The following LSAMP variants were observed in gnomAD, a reference collection of about 807,000 sequenced individuals.
LSAMP encodes limbic system-associated membrane protein.
A neutral mutation model predicts 38.6 loss-of-function variants in LSAMP; 7 were observed. The ratio of observed to expected loss-of-function variants is 0.18; its 90% CI spans 0.10 to 0.34. The LOEUF (loss-of-function observed/expected upper bound fraction) is 0.34, where lower values mean the gene tolerates loss of function less well. LSAMP is among the 10% of genes least tolerant of loss of function. The pLI, the probability that LSAMP is intolerant of heterozygous loss-of-function variation, is 1.00. For synonymous variants in LSAMP, 154 were observed against 166.8 expected, an observed-to-expected ratio of 0.92 and a Z score of 0.59; for missense variants, 313 against 420.0, an observed-to-expected ratio of 0.75 and a Z score of 2.23.
intron 2 of LSAMP, among the ~76,000 whole-genome samples, chr3:116,029,292 G>T (rs1940863626): frequency 6.6e-6 from 1 of 152,084 alleles, no homozygotes; most frequent in Non-Finnish European, 1.5e-5. Flanking sequence ...AGAAACATCA[G>T]CCTGTGGGGT....
chr3:116,426,001 G>C (rs565690046), intron 1 of LSAMP, among the ~76,000 whole-genome samples: 2 of 152,178 alleles, frequency 1.3e-5, no homozygotes, highest in South Asian at 4.2e-4. Flanking sequence ...TTAAATTGAG[G>C]CTGATGCAAC....
At chr3:116,428,919 G>A (rs974187805) in intron 1 of LSAMP, among the ~76,000 whole-genome samples, 1 of 152,148 alleles carries the variant, frequency 6.6e-6, no homozygotes, top group Non-Finnish European at 1.5e-5. Flanking sequence ...TGGGATGGGG[G>A]TATTAGTGTT....
intron 1 of LSAMP, among the ~76,000 whole-genome samples, chr3:116,384,089 C>T (rs2048594671): frequency 6.6e-6 from 1 of 152,004 alleles, no homozygotes; most frequent in Non-Finnish European, 1.5e-5. Context: ...ATTAATCAAG[C>T]CAGAGAATTA....
intron 3 of LSAMP, among the ~76,000 whole-genome samples, chr3:115,895,405 G>A (rs1351135236): frequency 6.6e-6 from 1 of 152,048 alleles, no homozygotes; most frequent in Non-Finnish European, 1.5e-5. Context: ...GGGAGCAAGG[G>A]TCTCCACAGG....
rs1568099 is a variant in LSAMP, at chr3:115,903,781, A to G, written c.515-51164T>C. 1.6e-3 allele frequency among the ~76,000 whole-genome samples: 246 copies of G among 152,298 alleles called. 2 individuals carry two copies. The highest frequency in any genetic ancestry group is 5.7e-3 in the African/African-American group (235 of 41,578). On this transcript the variant is annotated intron_variant, in intron 3 of 6. Coordinates refer to ENST00000490035, the MANE Select transcript of LSAMP (RefSeq NM_002338.5). The stretch of plus-strand genomic sequence containing the variant: ...GTTTTAATAGGTTAGGCAATACAAT[A>G]TATTTTATCAAATAATATCCTATGG...
At chr3:116,029,825 C>G in intron 2 of LSAMP, among the ~76,000 whole-genome samples, 1 of 152,002 alleles carries the variant, frequency 6.6e-6, no homozygotes, top group Non-Finnish European at 1.5e-5. Context: ...AAGGTGTAAG[C>G]TGGGTAAAGC....
chr3:115,897,494 G>T lies in LSAMP; in HGVS notation c.515-44877C>A, dbSNP rs142134712. Among the ~76,000 whole-genome samples the T allele has an allele frequency of 5.3e-3, 804 of 152,158 alleles. 4 individuals carry two copies. The highest frequency in any genetic ancestry group is 0.019 in the African/African-American group (780 of 41,528). ...AATGGGAAAAGTGGTAAACCATAGT[G>T]TTCTACCTGATCAAGAAGCTGGGGG... On this transcript the variant is annotated intron_variant, in intron 3 of 6. Transcript: ENST00000490035.
chr3:116,392,291 G>A (rs563339207), intron 1 of LSAMP, among the ~76,000 whole-genome samples: 1 of 152,220 alleles, frequency 6.6e-6, no homozygotes, highest in East Asian at 1.9e-4. Context: ...CACTCTAGGG[G>A]GCCTGGGAAG....
chr3:115,929,827 C>A lies in LSAMP; in HGVS notation c.515-77210G>T, dbSNP rs528951189. Among the ~76,000 whole-genome samples, 23 of 152,134 alleles carry A rather than the reference C, an allele frequency of 1.5e-4. No individual in the cohort carries two copies. In the South Asian group the frequency reaches 4.8e-3, roughly 32 times the overall value. ...GACTGAGACATTCCCTTCTACCATG[C>A]ACCCTCTAGCTTCTTGGAGTTCTAC... On this transcript the variant is annotated intron_variant, in intron 3 of 6. Coordinates refer to ENST00000490035, the MANE Select transcript of LSAMP (RefSeq NM_002338.5).
intron 2 of LSAMP, among the ~76,000 whole-genome samples, chr3:116,054,641 T>G (rs1322859160): frequency 2.6e-5 from 4 of 152,152 alleles, no homozygotes; most frequent in African/African-American, 9.7e-5. Flanking sequence ...CAACACTGAA[T>G]AGAATAAAGA....
intron 1 of LSAMP, among the ~76,000 whole-genome samples, chr3:116,308,995 A>G (rs192631072): frequency 1.9e-3 from 294 of 152,164 alleles, no homozygotes; most frequent in Non-Finnish European, 3.4e-3. Context: ...ACTTTTCAAT[A>G]TTTCCCTTTG....
At chr3:116,228,935 T>TATC (rs984491297) in intron 1 of LSAMP, among the ~76,000 whole-genome samples, 1 of 152,118 alleles carries the variant, frequency 6.6e-6, no homozygotes, top group Non-Finnish European at 1.5e-5. Flanking sequence ...ATATCAGTTC[T>TATC]ATCACATTTC....
At chr3:116,429,207 A>T (rs890366416) in intron 1 of LSAMP, among the ~76,000 whole-genome samples, 2 of 152,190 alleles carry the variant, frequency 1.3e-5, no homozygotes, top group Non-Finnish European at 2.9e-5. Context: ...CTGGTTTCAT[A>T]CTCTGATAAT....
chr3:115,900,130 G>C (rs531880193), intron 3 of LSAMP, among the ~76,000 whole-genome samples: 2 of 152,270 alleles, frequency 1.3e-5, no homozygotes, highest in East Asian at 1.9e-4. Flanking sequence ...TTCAGTGTGG[G>C]TTGTGACCTT....
chr3:116,168,523 T>C (rs1710117372), intron 1 of LSAMP, among the ~76,000 whole-genome samples: 1 of 152,224 alleles, frequency 6.6e-6, no homozygotes, highest in East Asian at 1.9e-4. Context: ...CCTCTAAGAA[T>C]GTCCCCCAAA....
intron 2 of LSAMP, among the ~76,000 whole-genome samples, chr3:116,019,909 T>C (rs1235530154): frequency 6.6e-6 from 1 of 152,170 alleles, no homozygotes; most frequent in African/African-American, 2.4e-5. Context: ...ATATCTTAGC[T>C]TTTAAAAATA....
At chr3:116,108,061 A>C (rs1309114908) in intron 1 of LSAMP, among the ~76,000 whole-genome samples, 1 of 152,088 alleles carries the variant, frequency 6.6e-6, no homozygotes, top group Non-Finnish European at 1.5e-5. Context: ...GGGATGGGAT[A>C]TTGGCATTGA....
chr3:115,893,589 T>A (rs2107463814), intron 3 of LSAMP, among the ~76,000 whole-genome samples: 1 of 152,092 alleles, frequency 6.6e-6, no homozygotes, highest in East Asian at 1.9e-4. Flanking sequence ...TTTTGATCAA[T>A]CATAGTAGAG....
chr3:115,831,315 A>G (rs1198628359), intron 6 of LSAMP, among the ~76,000 whole-genome samples: 1 of 152,202 alleles, frequency 6.6e-6, no homozygotes, highest in Non-Finnish European at 1.5e-5. Flanking sequence ...TTTGTTTCAA[A>G]GTGGCAGTGA....
Sources: gnomAD v4.1 joint callset for allele counts (sites outside exome capture counted in the v4.1 genomes callset) on GRCh38, gnomAD v4.1.1 for gene constraint, MANE v1.5 for transcripts, NCBI Gene and HGNC (gene_info 2026-07-23, HGNC 2026-07-21) for gene names.